Variants in SDCCAG8 observed in about 807,000 individuals in gnomAD.
The protein encoded by SDCCAG8 is SHH signaling and ciliogenesis regulator SDCCAG8, also known as serologically defined colon cancer antigen 8.
A neutral mutation model predicts 101.8 loss-of-function variants in SDCCAG8; 74 were observed. The observed-to-expected ratio is 0.73, with a 90% CI of 0.60 to 0.88. SDCCAG8 has a LOEUF of 0.88. Among genes scored for constraint, SDCCAG8 ranks in the 40% least tolerant of loss-of-function variants. The probability of loss-of-function intolerance (pLI) is 0.00; values close to 1 mark genes in which losing one functional copy is unlikely to be tolerated. For missense variants in SDCCAG8, 787 were observed against 822.6 expected, an observed-to-expected ratio of 0.96 and a Z score of 0.53; for synonymous variants, 281 against 292.9, an observed-to-expected ratio of 0.96 and a Z score of 0.41.
At chr1:243,357,084 G>A (rs2076426607) in intron 12 of SDCCAG8, among the ~76,000 whole-genome samples, 1 of 152,186 alleles carries the variant, frequency 6.6e-6, no homozygotes, top group Non-Finnish European at 1.5e-5. Flanking sequence ...TGGAATTTAT[G>A]AAGGTAACTT....
At chr1:243,263,006 C>T (rs2067305686) in intron 1 of SDCCAG8, among the ~76,000 whole-genome samples, 1 of 152,216 alleles carries the variant, frequency 6.6e-6, no homozygotes, top group East Asian at 1.9e-4. Context: ...ACACCTGGAT[C>T]AGATGTGTCC....
At chr1:243,476,053 C>T (rs1662351566) in intron 16 of SDCCAG8, 6 of 985,248 alleles carry the variant, frequency 6.1e-6, no homozygotes, top group Non-Finnish European at 7.2e-6. Flanking sequence ...AGAGTTATGC[C>T]ATCATATTAT....
At chr1:243,378,679 T>C in intron 12 of SDCCAG8, 42 bp from the exon 13 acceptor site, 1 of 1,601,062 alleles carries the variant, frequency 6.2e-7, no homozygotes, top group South Asian at 1.1e-5. Context: ...TTCAAGTGCA[T>C]GTATTTTATA....
At chr1:243,431,995 A>G (rs570583394) in intron 16 of SDCCAG8, among the ~76,000 whole-genome samples, 30 of 152,336 alleles carry the variant, frequency 2.0e-4, no homozygotes, top group African/African-American at 6.0e-4. Flanking sequence ...TAATTCTTCT[A>G]TAAACTAGAT....
At chr1:243,476,749 A>G (rs1263266542) in intron 16 of SDCCAG8, among the ~76,000 whole-genome samples, 1 of 152,232 alleles carries the variant, frequency 6.6e-6, no homozygotes, top group Non-Finnish European at 1.5e-5. Context: ...AGAAGTCTAA[A>G]TAGAGACATG....
intron 16 of SDCCAG8, among the ~76,000 whole-genome samples, chr1:243,430,260 G>C (rs1160427629): frequency 6.6e-6 from 1 of 152,066 alleles, no homozygotes; most frequent in Admixed American, 6.5e-5. Context: ...ACTGACTCCT[G>C]TTCTAGAGAA....
At chr1:243,309,403 A>G (rs2072489375) in intron 8 of SDCCAG8, among the ~76,000 whole-genome samples, 1 of 152,234 alleles carries the variant, frequency 6.6e-6, no homozygotes, top group African/African-American at 2.4e-5. Context: ...GTAAATGCTC[A>G]GTAAATATTA....
At chr1:243,318,001 G>A in intron 9 of SDCCAG8, 2 of 455,606 alleles carry the variant, frequency 4.4e-6, no homozygotes, top group South Asian at 1.6e-5. Flanking sequence ...AAATCATTCT[G>A]CTGCAAAGAC....
At chr1:243,318,081 A>G (rs1378984544) in intron 9 of SDCCAG8, 1 of 456,594 alleles carries the variant, frequency 2.2e-6, no homozygotes, top group Non-Finnish European at 4.4e-6. Context: ...TGATGGAATC[A>G]ACCGAAATTG....
chr1:243,258,699 C>T (rs1207554308), intron 1 of SDCCAG8, among the ~76,000 whole-genome samples: 2 of 152,162 alleles, frequency 1.3e-5, no homozygotes, highest in South Asian at 2.1e-4. Context: ...CCACCGCGCC[C>T]GGCTGATAAT....
At chr1:243,358,654 C>T (rs995097351) in intron 12 of SDCCAG8, among the ~76,000 whole-genome samples, 99 of 152,224 alleles carry the variant, frequency 6.5e-4, no homozygotes, top group African/African-American at 2.6e-4. Flanking sequence ...AACTTCTACA[C>T]GGATGTTCAT....
chr1:243,388,044 T>C (rs1035116224), intron 13 of SDCCAG8, among the ~76,000 whole-genome samples: 2 of 152,138 alleles, frequency 1.3e-5, no homozygotes, highest in African/African-American at 4.8e-5. Flanking sequence ...TTGAAATTAA[T>C]TGTTTGACCT....
rs185692551 is a variant in SDCCAG8 at position 243,484,841 on chromosome 1, A to C, written c.1986-4173A>C. Among the ~76,000 whole-genome samples, 246 of 152,128 alleles carry C rather than the reference A, an allele frequency of 1.6e-3. 1 individual carries two copies. The highest frequency in any genetic ancestry group is 5.5e-3 in the African/African-American group (227 of 41,508). On this transcript the variant is annotated intron_variant, in intron 16 of 17. Coordinates refer to ENST00000366541, the MANE Select transcript of SDCCAG8 (RefSeq NM_006642.5). ...CGGGCAGATCACGAGGTCAGGAGTT[A>C]GAGACCAGCCTGGCCAACATCGTGA...
rs2067973932 is a variant in SDCCAG8, at chr1:243,270,189, C to T, written c.152C>T (p.Ser51Phe). ...VTIGEDAPNLSFSTSVGNEDA... is the reference protein window; with the variant it reads ...VTIGEDAPNLFFSTSVGNEDA... ...ATTGGAGAAGATGCACCAAATCTTTCTTTTAGCACCAGTGTGGGAAATGAG... is the reference window on the plus strand; with the variant it reads ...ATTGGAGAAGATGCACCAAATCTTTTTTTTAGCACCAGTGTGGGAAATGAG... Residue 51 changes from serine (S) to phenylalanine (F), a missense_variant, in exon 2 of 18, where the codon TCT (serine) becomes TTT (phenylalanine). Coordinates refer to ENST00000366541, the MANE Select transcript of SDCCAG8 (RefSeq NM_006642.5). 3.1e-6 allele frequency: 5 copies of T among 1,614,212 alleles called. No homozygotes were observed. The highest frequency in any genetic ancestry group is 1.6e-4 in the Middle Eastern group (1 of 6,062).
intron 16 of SDCCAG8, among the ~76,000 whole-genome samples, chr1:243,469,030 T>C (rs1176629910): frequency 6.6e-6 from 1 of 152,222 alleles, no homozygotes; most frequent in African/African-American, 2.4e-5. Flanking sequence ...TATGATTTTA[T>C]AGAGCAAATG....
intron 16 of SDCCAG8, among the ~76,000 whole-genome samples, chr1:243,479,492 G>T (rs1441830948): frequency 6.6e-6 from 1 of 152,202 alleles, no homozygotes; most frequent in East Asian, 1.9e-4. Context: ...ATTTAGGGGC[G>T]CTGCAAGTTG....
rs755931555 is a variant in SDCCAG8, at chr1:243,307,982, T to C, written c.741-7T>C. On this transcript the variant is annotated splice_region_variant and splice_polypyrimidine_tract_variant and intron_variant, in intron 7 of 17. Transcript: ENST00000366541. The stretch of plus-strand genomic sequence containing the variant: ...CATTTTCTAGAATTTTTTCACCCTC[T>C]TTTTAGGAACGACTTAGCTGAATAT... The C allele has an allele frequency of 5.1e-5, 83 of 1,613,308 alleles. No individual in the cohort carries two copies. The highest frequency in any genetic ancestry group is 6.7e-5 in the Non-Finnish European group (79 of 1,179,936).
intron 1 of SDCCAG8, among the ~76,000 whole-genome samples, chr1:243,262,587 A>AT (rs1346673774): frequency 6.6e-6 from 1 of 152,212 alleles, no homozygotes; most frequent in Non-Finnish European, 1.5e-5. Flanking sequence ...AATAATCTAA[A>AT]TCAAAGGTAT....
rs527926210 is a variant in SDCCAG8 at position 243,322,781 on chromosome 1, T to C, written c.1068+5888T>C. Reference sequence around the variant, plus strand: ...AGTGAAAATTAGGCCCAATCACACTTTTTTTTTTTTTTAATAGCTAGTTCA... The same window carrying C: ...AGTGAAAATTAGGCCCAATCACACTCTTTTTTTTTTTTAATAGCTAGTTCA... On this transcript the variant is annotated intron_variant, in intron 9 of 17. Coordinates refer to ENST00000366541, the MANE Select transcript of SDCCAG8 (RefSeq NM_006642.5). Among the ~76,000 whole-genome samples the C allele has an allele frequency of 4.8e-5, 7 of 147,284 alleles. No homozygotes were observed. The East Asian group carries it at 1.4e-3, about 29-fold the overall frequency.
Sources: gnomAD v4.1 joint callset for allele counts (sites outside exome capture counted in the v4.1 genomes callset) on GRCh38, gnomAD v4.1.1 for gene constraint, MANE v1.5 for transcripts, NCBI Gene and HGNC (gene_info 2026-07-23, HGNC 2026-07-21) for gene names.